Variants in IL17RE observed in about 807,000 individuals in gnomAD.
IL17RE encodes the protein interleukin 17 receptor E.
A neutral mutation model predicts 70.7 loss-of-function variants in IL17RE; 47 were observed. That is an observed-to-expected ratio of 0.67 (90% CI 0.53 to 0.85). IL17RE has a LOEUF of 0.85. Among genes scored for constraint, IL17RE ranks in the 40% least tolerant of loss-of-function variants. The pLI is 0.00. For synonymous variants in IL17RE, 372 were observed against 381.2 expected, an observed-to-expected ratio of 0.98 and a Z score of 0.28; for missense variants, 850 against 893.9, an observed-to-expected ratio of 0.95 and a Z score of 0.63.
chr3:9,914,806 T>G (rs1411051690), intron 15 of IL17RE, 29 bp downstream of exon 15: 5 of 1,581,430 alleles, frequency 3.2e-6, no homozygotes, highest in Non-Finnish European at 4.3e-6. Flanking sequence ...ACCTGGGAAG[T>G]CAGACCTGCC....
chr3:9,906,743 G>T lies in IL17RE; in HGVS notation c.404G>T (p.Ser135Ile). 6.2e-7 allele frequency: 1 copy of T among 1,614,158 alleles called. No homozygotes were observed. Among genetic ancestry groups the T allele is most frequent in the Non-Finnish European group, 8.5e-7 (1 of 1,180,038 alleles). ...LLPRRHLSEK[S>I]HHISIPSPDI... ...CCTCGTCGTCACCTGTCTGAGAAGA[G>T]CCATCACATTTCCATCCCCTCCCCA... The change falls in exon 5 of 16, where the codon AGC (serine) becomes ATC (isoleucine). Residue 135 changes from serine (S) to isoleucine (I), a missense_variant. By Grantham distance (142) the Ser-to-Ile change is moderately radical. Coordinates refer to ENST00000383814, the MANE Select transcript of IL17RE (RefSeq NM_153480.2).
chr3:9,914,561 A>T lies in IL17RE; in HGVS notation c.1310A>T (p.Asp437Val). ...PGCCVLVWRS[D>V]VQFAWKHLLC... ...CTGTGCCCTCAGGTGTGGCGGTCAG[A>T]TGTCCAGTTTGCCTGGAAGCACCTC... The change falls in exon 14 of 16, where the codon GAT (aspartate) becomes GTT (valine). Residue 437 changes from aspartate to valine, a missense_variant. Physicochemically the swap from Asp to Val is radical, Grantham distance 152. Transcript: ENST00000383814. 3 of 1,613,920 alleles carry T rather than the reference A, an allele frequency of 1.9e-6. No individual in the cohort carries two copies. Among genetic ancestry groups the T allele is most frequent in the Non-Finnish European group, 2.5e-6 (3 of 1,179,906 alleles).
chr3:9,908,023 C>T (rs2082800751), intron 6 of IL17RE, among the ~76,000 whole-genome samples: 1 of 152,182 alleles, frequency 6.6e-6, no homozygotes, highest in Non-Finnish European at 1.5e-5. Context: ...AATGTATTCC[C>T]TGTCTCCTTC....
chr3:9,911,543 C>T lies in IL17RE; in HGVS notation c.1173C>T (p.Ser391=), dbSNP rs190040397. 1.9e-6 allele frequency: 3 copies of T among 1,614,158 alleles called. No individual in the cohort carries two copies. The highest frequency in any genetic ancestry group is 1.1e-5 in the South Asian group (1 of 91,090). Residue 391 remains serine (S), a synonymous_variant, in exon 12 of 16, where the codon AGC becomes AGT. Transcript: ENST00000383814. ...ATGCCACCTTCAGTGCTGCCTGGAGCCTCCCAGGCTTGGGGCAGGACACTT... is the reference window on the plus strand; with the variant it reads ...ATGCCACCTTCAGTGCTGCCTGGAGTCTCCCAGGCTTGGGGCAGGACACTT... ...RMHATFSAAW[S]LPGLGQDTLV...
rs370001081 is a variant in IL17RE at position 9,914,624 on chromosome 3, A to G, written c.1348+25A>G. On this transcript the variant is annotated intron_variant, in intron 14 of 15. Transcript: ENST00000383814. ...GGTGAGTTCTTGGGGAGGGGGAGGT[A>G]AGAGGGAGGCTGGGCACTGAGGAAC... The G allele has an allele frequency of 8.7e-6, 14 of 1,613,220 alleles. No homozygotes were observed. In the African/African-American group the frequency reaches 1.1e-4, roughly 12 times the overall value.
At chr3:9,906,267 TA>T (rs1348871251) in intron 3 of IL17RE, 96 bp from the exon 4 acceptor site, 2 of 515,974 alleles carry the variant, frequency 3.9e-6, no homozygotes, top group African/African-American at 2.1e-5. Flanking sequence ...AATAAATAAA[TA>T]AAATAAAATA....
Position 9,916,026 on chromosome 3 carries a change from C to G in IL17RE, c.*219C>G. The stretch of plus-strand genomic sequence containing the variant: ...TTCCCTTGACTGAGAGCTCCTCTAA[C>G]CCCTGTTCTGATGGGGGAGGGCGGT... On this transcript the variant is annotated 3_prime_UTR_variant, in exon 16 of 16. Coordinates refer to ENST00000383814, the MANE Select transcript of IL17RE (RefSeq NM_153480.2). 1 of 728,176 alleles carries G rather than the reference C, an allele frequency of 1.4e-6. No individual in the cohort carries two copies. Among genetic ancestry groups the G allele is most frequent in the Non-Finnish European group, 2.0e-6 (1 of 512,512 alleles). The allele number at this position is 728,176 out of a possible 1,614,324, so 45.1% of individuals were successfully genotyped here.
At position 9,906,643 on chromosome 3, in the gene IL17RE, G is replaced by A. The variant is rs73118342; in HGVS notation, c.367-63G>A. ...GCCTGTAGTACCTCAGGTTCCAGAGGCAGAAACAGAAGCCAGGTTTCCTGA... is the reference window on the plus strand; with the variant it reads ...GCCTGTAGTACCTCAGGTTCCAGAGACAGAAACAGAAGCCAGGTTTCCTGA... On this transcript the variant is annotated intron_variant, in intron 4 of 15. Coordinates refer to ENST00000383814, the MANE Select transcript of IL17RE (RefSeq NM_153480.2). 3,927 of 1,595,796 alleles carry A rather than the reference G, an allele frequency of 2.5e-3. 90 individuals are homozygous for A. The African/African-American group carries it at 0.048, about 19-fold the overall frequency.
intron 12 of IL17RE, among the ~76,000 whole-genome samples, chr3:9,912,426 CT>C: frequency 6.6e-6 from 1 of 152,286 alleles, no homozygotes; most frequent in Non-Finnish European, 1.5e-5. Context: ...CAGAAGTTAT[CT>C]ATCCTAGGAG....
intron 4 of IL17RE, 33 bp downstream of exon 4, chr3:9,906,494 C>T (rs571323483): frequency 1.8e-5 from 27 of 1,509,756 alleles, no homozygotes; most frequent in African/African-American, 6.9e-5. Context: ...CCCTACCTGA[C>T]GCCCCACAGA....
Position 9,903,058 on chromosome 3 carries a change from C to G in IL17RE, c.126C>G (p.Ser42=). The G allele has an allele frequency of 6.2e-7, 1 of 1,613,776 alleles. No homozygotes were observed. The highest frequency in any genetic ancestry group is 8.5e-7 in the Non-Finnish European group (1 of 1,179,698). ...GGAACACCCGCTGTCCTCTGGCCTC[C>G]CACACGGTAAGGTGCTGCTGCCAGG... is the stretch of plus-strand genomic sequence containing the variant. ...PHWNTRCPLA[S]HTDDSFTGSS... is the part of the protein sequence containing the mutation. The change falls in exon 1 of 16, where the codon TCC becomes TCG. Residue 42 remains serine (S), a synonymous_variant. Coordinates refer to ENST00000383814, the MANE Select transcript of IL17RE (RefSeq NM_153480.2).
Position 9,902,986 on chromosome 3 carries a change from C to A in IL17RE, c.54C>A (p.Ile18=). Residue 18 remains isoleucine (I), a synonymous_variant, in exon 1 of 16, where the codon ATC becomes ATA. Transcript: ENST00000383814. ...ALLLPLLLIV[I]DLSDSAGIGF... The stretch of plus-strand genomic sequence containing the variant: ...TCCTGCCTCTCCTCCTCATAGTCAT[C>A]GACCTCTCTGACTCTGCTGGGATTG... 6.2e-7 allele frequency: 1 copy of A among 1,614,196 alleles called. No homozygotes were observed. The highest frequency in any genetic ancestry group is 8.5e-7 in the Non-Finnish European group (1 of 1,179,984).
chr3:9,902,767 G>T, upstream of IL17RE: 1 of 1,538,228 alleles, frequency 6.5e-7, no homozygotes, highest in Non-Finnish European at 8.7e-7. Context: ...AATGTGGCCT[G>T]GCTGGCTGGT....
chr3:9,903,347 C>T (rs746186443), intron 1 of IL17RE, 50 bp from the exon 2 acceptor site: 5 of 1,607,024 alleles, frequency 3.1e-6, no homozygotes, highest in East Asian at 2.2e-5. Context: ...GGGAGTCTCT[C>T]CTAATAATAG....
At chr3:9,908,074 T>G (rs1395546212) in intron 6 of IL17RE, among the ~76,000 whole-genome samples, 165 bp from the exon 7 acceptor site, 1 of 152,118 alleles carries the variant, frequency 6.6e-6, no homozygotes, top group Non-Finnish European at 1.5e-5. Flanking sequence ...AATGATTAGA[T>G]TACTAAGCAG....
intron 2 of IL17RE, 30 bp from the exon 3 acceptor site, chr3:9,904,002 A>G (rs1575476463): frequency 6.2e-7 from 1 of 1,613,558 alleles, no homozygotes; most frequent in Non-Finnish European, 8.5e-7. Context: ...CTTAGACCCT[A>G]TCATTTGCTT....
chr3:9,916,008 G>C lies in IL17RE; in HGVS notation c.*201G>C, dbSNP rs535100728. ...CCTCTTCCTCCTCATACTTTCCCTT[G>C]ACTGAGAGCTCCTCTAACCCCTGTT... On this transcript the variant is annotated 3_prime_UTR_variant, in exon 16 of 16. Transcript: ENST00000383814. 5 of 927,264 alleles carry C rather than the reference G, an allele frequency of 5.4e-6. No individual in the cohort carries two copies. The East Asian group carries it at 1.7e-4, about 31-fold the overall frequency. 57.4% of individuals were successfully genotyped at this position (927,264 alleles called of 1,614,324 possible).
intron 13 of IL17RE, 45 bp from the exon 14 acceptor site, chr3:9,914,503 G>A (rs1484317598): frequency 2.5e-6 from 4 of 1,610,956 alleles, no homozygotes; most frequent in Non-Finnish European, 2.5e-6. Flanking sequence ...TCCCCGGGAG[G>A]AGAAGATGCC....
chr3:9,914,110 A>C, intron 13 of IL17RE, 86 bp downstream of exon 13: 1 of 1,124,118 alleles, frequency 8.9e-7, no homozygotes, highest in Non-Finnish European at 1.4e-6. Context: ...CCATTCTGCA[A>C]AAATGTTTGG....
Sources: gnomAD v4.1 joint callset for allele counts (sites outside exome capture counted in the v4.1 genomes callset) on GRCh38, gnomAD v4.1.1 for gene constraint, MANE v1.5 for transcripts, NCBI Gene and HGNC (gene_info 2026-07-23, HGNC 2026-07-21) for gene names.